The following NTHL1 variants were observed in gnomAD, a reference collection of about 807,000 sequenced individuals.
The protein encoded by NTHL1 is endonuclease III-like protein 1.
Under a neutral mutation model 32.3 loss-of-function variants are expected in NTHL1, and 32 were observed. The observed-to-expected ratio is 0.99, with a 90% CI of 0.75 to 1.33. NTHL1 has a LOEUF of 1.33. Among genes scored for constraint, NTHL1 ranks in the 40% most tolerant of loss-of-function variants. The pLI, the probability that NTHL1 is intolerant of heterozygous loss-of-function variation, is 0.00. For missense variants in NTHL1, 501 were observed against 414.1 expected, an observed-to-expected ratio of 1.21 and a Z score of -1.82; for synonymous variants, 188 against 176.9, an observed-to-expected ratio of 1.06 and a Z score of -0.50.
chr16:2,047,790 T>G lies in NTHL1; in HGVS notation c.34A>C (p.Ser12Arg). Residue 12 changes from serine to arginine, a missense_variant, in exon 1 of 6, where the codon AGC becomes CGC. Ser to Arg is a moderately radical substitution (Grantham distance 110). Transcript: ENST00000651570. ...TALSARMLTR[S>R]RSLGPGAGPR... ...CCAGCCCCGGGTCCCAGGCTCCGGCTCCGGGTCAGCATCCTCGCGCTCAAG... is the reference window on the plus strand; with the variant it reads ...CCAGCCCCGGGTCCCAGGCTCCGGCGCCGGGTCAGCATCCTCGCGCTCAAG... 6.3e-7 allele frequency: 1 copy of G among 1,590,766 alleles called. No individual in the cohort carries two copies. Among genetic ancestry groups the G allele is most frequent in the Non-Finnish European group, 8.5e-7 (1 of 1,173,750 alleles).
At position 2,043,365 on chromosome 16, in the gene NTHL1, C is replaced by G. The variant is rs2150940988; in HGVS notation, c.685+202G>C. ...GCCTCTCTCAGAGCCCTGCACGGAG[C>G]AGGTGCTCAGCCCATGTGACCTCCT... On this transcript the variant is annotated intron_variant, in intron 4 of 5. Coordinates refer to ENST00000651570, the MANE Select transcript of NTHL1 (RefSeq NM_002528.7). The surrounding 1 kb of genome is among the most constrained non-coding windows in gnomAD (Gnocchi z 4.4). The G allele has an allele frequency of 1.5e-6, 1 of 650,714 alleles. No individual in the cohort carries two copies. Among genetic ancestry groups the G allele is most frequent in the Middle Eastern group, 4.2e-4 (1 of 2,362 alleles). The allele number at this position is 650,714 out of a possible 1,614,324, so 40.3% of individuals were successfully genotyped here. A position where few individuals can be genotyped will look rare whatever the true frequency, so the allele number is the denominator to read the frequency against.
At chr16:2,040,592 A>T (rs1215642161) in intron 4 of NTHL1, 1 of 414,536 alleles carries the variant, frequency 2.4e-6, no homozygotes, top group Admixed American at 3.6e-5. Flanking sequence ...TTGGAGCTCT[A>T]TTCCCCACAA....
chr16:2,040,472 C>G (rs2084250238), intron 4 of NTHL1: 2 of 600,432 alleles, frequency 3.3e-6, no homozygotes, highest in Admixed American at 5.1e-5. Flanking sequence ...CTGAGCCAGC[C>G]TGGGGGGCTC....
rs377517542 is a variant in NTHL1, at chr16:2,044,607, C to T, written c.525+23G>A. 3 of 1,599,566 alleles carry T rather than the reference C, an allele frequency of 1.9e-6. No individual in the cohort carries two copies. The highest frequency in any genetic ancestry group is 2.7e-5 in the African/African-American group (2 of 74,880). ...CTCTCAGGCCACTGCCACCCGGCCC[C>T]CGTTGCCACAGGCAGGGCTCACCCT... On this transcript the variant is annotated intron_variant, in intron 3 of 5. Coordinates refer to ENST00000651570, the MANE Select transcript of NTHL1 (RefSeq NM_002528.7). The surrounding 1 kb of genome is among the most constrained non-coding windows in gnomAD (Gnocchi z 5.0).
chr16:2,044,252 C>G lies in NTHL1; in HGVS notation c.525+378G>C, dbSNP rs963500967. 6.6e-6 allele frequency among the ~76,000 whole-genome samples: 1 copy of G among 152,136 alleles called. No homozygotes were observed. Among genetic ancestry groups the G allele is most frequent in the African/African-American group, 2.4e-5 (1 of 41,430 alleles). On this transcript the variant is annotated intron_variant, in intron 3 of 5. Transcript: ENST00000651570. The surrounding 1 kb of genome is among the most constrained non-coding windows in gnomAD (Gnocchi z 5.0). ...CCGCCCACCACCATCCAGTGCTCGG[C>G]GGGGTTGGGGAGCAGCCTCCCCAGG...
At chr16:2,046,430 T>G (rs2084394070) in intron 1 of NTHL1, 64 bp from the exon 2 acceptor site, 19 of 1,453,214 alleles carry the variant, frequency 1.3e-5, no homozygotes, top group Non-Finnish European at 1.8e-5. Context: ...AGGGGTGCCA[T>G]CCCGCCTGCT....
Position 2,044,673 on chromosome 16 carries a change from T to A in NTHL1, c.482A>T (p.Asp161Val). 1 of 1,611,112 alleles carries A rather than the reference T, an allele frequency of 6.2e-7. No individual in the cohort carries two copies. The highest frequency in any genetic ancestry group is 8.5e-7 in the Non-Finnish European group (1 of 1,179,942). ...LTVDSILQTD[D>V]ATLGKLIYPV... ...GTAGATGAGCTTGCCCAGCGTGGCA[T>A]CATCTGTCTGCAGGATGCTGTCCAC... Residue 161 changes from aspartate (D) to valine (V), a missense_variant, in exon 3 of 6, where the codon GAT (aspartate) becomes GTT (valine). Transcript: ENST00000651570. The surrounding 1 kb of genome is among the most constrained non-coding windows in gnomAD (Gnocchi z 5.0).
At chr16:2,045,765 C>T (rs975283813) in intron 2 of NTHL1, among the ~76,000 whole-genome samples, 3 of 152,188 alleles carry the variant, frequency 2.0e-5, no homozygotes, top group African/African-American at 7.2e-5. Context: ...GACAAGCAAA[C>T]TGAGGCTCAG....
At position 2,044,506 on chromosome 16, in the gene NTHL1, G is replaced by A. The variant is rs974782790; in HGVS notation, c.525+124C>T. 4 of 1,330,212 alleles carry A rather than the reference G, an allele frequency of 3.0e-6. No homozygotes were observed. The highest frequency in any genetic ancestry group is 4.2e-6 in the Non-Finnish European group (4 of 948,164). 82.4% of individuals were successfully genotyped at this position (1,330,212 alleles called of 1,614,324 possible). A position where few individuals can be genotyped will look rare whatever the true frequency, so the allele number is the denominator to read the frequency against. ...GCCCCACGGCCTGGGGGGGGCTTCA[G>A]GGGGACCCCCCGAGCCTGAGATGCT... On this transcript the variant is annotated intron_variant, in intron 3 of 5. Transcript: ENST00000651570. The surrounding 1 kb of genome is among the most constrained non-coding windows in gnomAD (Gnocchi z 5.0).
Position 2,044,888 on chromosome 16 carries a change from G to C in NTHL1, c.355-88C>G. On this transcript the variant is annotated intron_variant, in intron 2 of 5. Transcript: ENST00000651570. The surrounding 1 kb of genome is among the most constrained non-coding windows in gnomAD (Gnocchi z 5.0). ...CCGCCCCCCGCCCTCGACACACCCT[G>C]GTTTGTTGCCCTGGGCCACACTTGA... 7.0e-7 allele frequency: 1 copy of C among 1,437,864 alleles called. No homozygotes were observed. The highest frequency in any genetic ancestry group is 2.5e-5 in the East Asian group (1 of 39,996). 89.1% of individuals were successfully genotyped at this position (1,437,864 alleles called of 1,614,324 possible).
In NTHL1 at chr16:2,047,445, C is replaced by G; in HGVS notation, c.115+264G>C. 1.4e-5 allele frequency: 8 copies of G among 572,398 alleles called. No homozygotes were observed. In the African/African-American group the frequency reaches 1.6e-4, roughly 11 times the overall value. 35.5% of individuals were successfully genotyped at this position (572,398 alleles called of 1,614,324 possible). ...AGAGCCTGGAGTGGAGAGTCCCGGA[C>G]AGAGTGGTGGGAAAGGAAGCGTTTT... is the stretch of plus-strand genomic sequence containing the variant. On this transcript the variant is annotated intron_variant, in intron 1 of 5. Transcript: ENST00000651570.
In NTHL1 at chr16:2,047,756, C is replaced by A. The variant is rs749963973; in HGVS notation, c.68G>T (p.Gly23Val). The A allele has an allele frequency of 6.3e-6, 10 of 1,586,446 alleles. No individual in the cohort carries two copies. The East Asian group carries it at 2.1e-4, about 33-fold the overall frequency. ...GAGAGGCCCGGGCTCCTCCCTACAC[C>A]CCCGCGGCCCAGCCCCGGGTCCCAG... ...RSLGPGAGPR[G>V]CREEPGPLRR... Residue 23 changes from glycine to valine, a missense_variant, in exon 1 of 6, where the codon GGG (glycine) becomes GTG (valine). By Grantham distance (109) the Gly-to-Val change is moderately radical. Transcript: ENST00000651570.
chr16:2,044,649 TA>T lies in NTHL1; in HGVS notation c.505del (p.Tyr169ThrfsTer10). 6.2e-7 allele frequency: 1 copy of T among 1,606,728 alleles called. No homozygotes were observed. Among genetic ancestry groups the T allele is most frequent in the Non-Finnish European group, 8.5e-7 (1 of 1,179,900 alleles). ...GCTCACCCTCCAGAAACCGACGGGGTAGATGAGCTTGCCCAGCGTGGCATCA... is the reference window on the plus strand; with the variant it reads ...GCTCACCCTCCAGAAACCGACGGGGTGATGAGCTTGCCCAGCGTGGCATCA... ...TDDATLGKLI[Y>X]PVGFWRSKVK... On this transcript the variant is annotated frameshift_variant, in exon 3 of 6. Transcript: ENST00000651570. LOFTEE classifies it high-confidence loss of function. The surrounding 1 kb of genome is among the most constrained non-coding windows in gnomAD (Gnocchi z 5.0).
chr16:2,046,131 T>TG lies in NTHL1; in HGVS notation c.350dup (p.Val119GlyfsTer43), dbSNP rs763525759. On this transcript the variant is annotated frameshift_variant, in exon 2 of 6. Coordinates refer to ENST00000651570, the MANE Select transcript of NTHL1 (RefSeq NM_002528.7). LOFTEE classifies it high-confidence loss of function. ...GGCAGATGGGGCCCCTGCCTACCTTTGGGGGGGCACTGGAGTCATAGCAGT... is the reference window on the plus strand; with the variant it reads ...GGCAGATGGGGCCCCTGCCTACCTTTGGGGGGGGCACTGGAGTCATAGCAGT... 1.7e-5 allele frequency: 27 copies of TG among 1,611,522 alleles called. No homozygotes were observed. Among genetic ancestry groups the TG allele is most frequent in the South Asian group, 4.4e-5 (4 of 91,064 alleles).
Position 2,040,227 on chromosome 16 carries a change from G to C in NTHL1, c.697C>G (p.His233Asp). 1.2e-6 allele frequency: 2 copies of C among 1,613,622 alleles called. No individual in the cohort carries two copies. Among genetic ancestry groups the C allele is most frequent in the South Asian group, 1.1e-5 (1 of 91,090 alleles). ...GTVSGIAVDT[H>D]VHRIANRLRW... The stretch of plus-strand genomic sequence containing the variant: ...AGCCTGTTGGCGATTCTGTGCACAT[G>C]CGTGTCCACTGCTGCTGGGAGGCCA... The change falls in exon 5 of 6, where the codon CAT (histidine) becomes GAT (aspartate). Residue 233 changes from histidine to aspartate, a missense_variant. Transcript: ENST00000651570.
Position 2,047,699 on chromosome 16 carries a change from G to A in NTHL1, c.115+10C>T, listed in dbSNP as rs756945300. On this transcript the variant is annotated intron_variant, in intron 1 of 5. Transcript: ENST00000651570. ...CCTCCTCCCACGCTCCAGCCACGGCGCGGCGCTACCTGCTGCAGCCTCTCT... is the reference window on the plus strand; with the variant it reads ...CCTCCTCCCACGCTCCAGCCACGGCACGGCGCTACCTGCTGCAGCCTCTCT... 3.2e-6 allele frequency: 5 copies of A among 1,571,648 alleles called. No individual in the cohort carries two copies. The highest frequency in any genetic ancestry group is 2.6e-6 in the Non-Finnish European group (3 of 1,166,384).
At position 2,040,245 on chromosome 16, in the gene NTHL1, G is replaced by C. The variant is rs529341502; in HGVS notation, c.686-7C>G. 10 of 1,612,882 alleles carry C rather than the reference G, an allele frequency of 6.2e-6. No homozygotes were observed. In the African/African-American group the frequency reaches 1.2e-4, roughly 19 times the overall value. ...TGCACATGCGTGTCCACTGCTGCTG[G>C]GAGGCCAAGCGGGGTGAACAGGGGC... On this transcript the variant is annotated splice_polypyrimidine_tract_variant and splice_region_variant and intron_variant, in intron 4 of 5. Coordinates refer to ENST00000651570, the MANE Select transcript of NTHL1 (RefSeq NM_002528.7).
chr16:2,047,827 G>C lies in NTHL1; in HGVS notation c.-4C>G. 6.3e-7 allele frequency: 1 copy of C among 1,593,674 alleles called. No homozygotes were observed. The highest frequency in any genetic ancestry group is 8.5e-7 in the Non-Finnish European group (1 of 1,175,468). ...TCCTCGCGCTCAAGGCGGTCATGCC[G>C]GACTCCTGCGGACTACACATCCCGG... On this transcript the variant is annotated 5_prime_UTR_variant, in exon 1 of 6. Transcript: ENST00000651570.
At chr16:2,047,242 C>T (rs1272667377) in intron 1 of NTHL1, 3 of 195,640 alleles carry the variant, frequency 1.5e-5, no homozygotes, top group African/African-American at 2.4e-5. Flanking sequence ...GTGCTTGGCC[C>T]CCAGCAGGTC....
Sources: allele counts gnomAD v4.1 joint callset (sites outside exome capture counted in the v4.1 genomes callset), GRCh38; gene constraint gnomAD v4.1.1; non-coding constraint Gnocchi (gnomAD v3.1); transcripts MANE v1.5; gene names NCBI Gene and HGNC (gene_info 2026-07-23, HGNC 2026-07-21).